The following SLC48A1 variants were observed in gnomAD, a reference collection of about 807,000 sequenced individuals.
SLC48A1 encodes the protein solute carrier family 48 member 1, also known as heme transporter HRG1.
SLC48A1 carries 6 observed loss-of-function variants against 14.8 expected under a neutral mutation model. The ratio of observed to expected loss-of-function variants is 0.41; its 90% confidence interval spans 0.22 to 0.80. SLC48A1 has a LOEUF of 0.80. Ranked by LOEUF, SLC48A1 falls within the 30% of genes least tolerant of loss-of-function variation. The pLI is 0.34. For missense variants in SLC48A1, 165 were observed against 204.8 expected, an observed-to-expected ratio of 0.81 and a Z score of 1.19; for synonymous variants, 89 against 90.0, an observed-to-expected ratio of 0.99 and a Z score of 0.06.
At chr12:47,758,496 G>C (rs2136833047), upstream of SLC48A1, 1 of 1,598,006 alleles carries the variant, frequency 6.3e-7, no homozygotes, top group South Asian at 1.1e-5. Flanking sequence ...CACCGTGTCA[G>C]CTTCCTCTCC....
At chr12:47,763,661 G>T (rs1321734416) in intron 2 of SLC48A1, among the ~76,000 whole-genome samples, 3 of 152,222 alleles carry the variant, frequency 2.0e-5, no homozygotes, top group Non-Finnish European at 4.4e-5. Context: ...GCAGCGGCAG[G>T]GAGCTGGAGC....
At chr12:47,760,484 G>A (rs1214883594) in intron 2 of SLC48A1, 2 of 873,670 alleles carry the variant, frequency 2.3e-6, no homozygotes, top group Non-Finnish European at 2.7e-6. Context: ...AGTTCTTGCA[G>A]GAAGGCTTCC....
chr12:47,779,040 T>C lies in SLC48A1; in HGVS notation c.149T>C (p.Leu50Pro). ...GTCTCTCCTGCAGGGGTGCTGGCACTGTGGGTCCTGGTGACGCACGTGATG... is the reference window on the plus strand; with the variant it reads ...GTCTCTCCTGCAGGGGTGCTGGCACCGTGGGTCCTGGTGACGCACGTGATG... Reference protein sequence around the residue: ...AMGGLAGVLALWVLVTHVMYM... With the variant: ...AMGGLAGVLAPWVLVTHVMYM... The change falls in exon 2 of 3, where the codon CTG (leucine) becomes CCG (proline). Residue 50 changes from leucine to proline, a missense_variant. Leu to Pro is a moderately conservative substitution (Grantham distance 98). Transcript: ENST00000442218. 6.4e-7 allele frequency: 1 copy of C among 1,551,716 alleles called. No individual in the cohort carries two copies. The highest frequency in any genetic ancestry group is 8.7e-7 in the Non-Finnish European group (1 of 1,146,978).
chr12:47,779,680 C>T (rs1942824903), intron 2 of SLC48A1, among the ~76,000 whole-genome samples: 1 of 152,216 alleles, frequency 6.6e-6, no homozygotes, highest in South Asian at 2.1e-4. Flanking sequence ...AAACGGTCCC[C>T]AGCTCCGTTC....
intron 2 of SLC48A1, among the ~76,000 whole-genome samples, 194 bp downstream of exon 2, chr12:47,779,389 A>C (rs1942816679): frequency 6.6e-6 from 1 of 152,134 alleles, no homozygotes; most frequent in African/African-American, 2.4e-5. Context: ...ATTCTATGAA[A>C]CTGATGTGAA....
upstream of SLC48A1, chr12:47,771,455 C>T (rs1942628866): frequency 6.4e-6 from 1 of 156,212 alleles, no homozygotes; most frequent in Admixed American, 6.2e-5. Flanking sequence ...ATGTCCACGT[C>T]CTCATCCCAG....
upstream of SLC48A1, among the ~76,000 whole-genome samples, chr12:47,768,212 A>G (rs1404803236): frequency 6.6e-6 from 1 of 152,126 alleles, no homozygotes; most frequent in African/African-American, 2.4e-5. Flanking sequence ...CCTGACCTCA[A>G]GTGATCCACC....
chr12:47,760,262 A>C, exon 2 of SLC48A1: 1 of 985,484 alleles, frequency 1.0e-6, no homozygotes, highest in Non-Finnish European at 1.2e-6. Context: ...GGAGTTTTAA[A>C]TGCCTCTCCG....
At position 47,780,693 on chromosome 12, in the gene SLC48A1, A is replaced by G. The variant is rs966278509; in HGVS notation, c.*412A>G. ...GCAATTCTCCTGCCTTGGCCTCTCA[A>G]GTAGCTGGGATTACAGGCATCTGCC... On this transcript the variant is annotated 3_prime_UTR_variant, in exon 3 of 3. Transcript: ENST00000442218. 1.3e-5 allele frequency: 5 copies of G among 398,476 alleles called. No individual in the cohort carries two copies. The highest frequency in any genetic ancestry group is 2.5e-5 in the Non-Finnish European group (5 of 203,246). The allele number at this position is 398,476 out of a possible 1,614,324, so 24.7% of individuals were successfully genotyped here. A position where few individuals can be genotyped will look rare whatever the true frequency, so the allele number is the denominator to read the frequency against.
chr12:47,759,245 C>G, intron 1 of SLC48A1: 1 of 387,046 alleles, frequency 2.6e-6, no homozygotes, highest in Non-Finnish European at 3.5e-6. Context: ...GCGGCCTCAC[C>G]CGGGAGGGAA....
chr12:47,770,543 A>G (rs1326394880), upstream of SLC48A1, among the ~76,000 whole-genome samples: 1 of 152,114 alleles, frequency 6.6e-6, no homozygotes, highest in African/African-American at 2.4e-5. Flanking sequence ...TCTTCCAGGC[A>G]CTCCTCATCA....
chr12:47,775,359 G>GCGCTAGGGCAGCAGCT (rs555773003), intron 1 of SLC48A1, among the ~76,000 whole-genome samples: 6 of 152,136 alleles, frequency 3.9e-5, no homozygotes, highest in African/African-American at 9.7e-5. Flanking sequence ...TCAGAGAGAG[G>GCGCTAGGGCAGCAGCT]CGCTAGGGCA....
At chr12:47,764,917 A>G (rs923119482) in intron 2 of SLC48A1, among the ~76,000 whole-genome samples, 25 of 151,916 alleles carry the variant, frequency 1.6e-4, no homozygotes, top group African/African-American at 5.6e-4. Context: ...TCTCTACTAC[A>G]GATACAAAAA....
rs910114397 is a variant in SLC48A1 at position 47,777,530 on chromosome 12, C to T, written c.137-1498C>T. 2.6e-5 allele frequency among the ~76,000 whole-genome samples: 4 copies of T among 152,202 alleles called. No individual in the cohort carries two copies. Among genetic ancestry groups the T allele is most frequent in the Non-Finnish European group, 4.4e-5 (3 of 68,028 alleles). On this transcript the variant is annotated intron_variant, in intron 1 of 2. Coordinates refer to ENST00000442218, the MANE Select transcript of SLC48A1 (RefSeq NM_017842.3). The surrounding 1 kb of genome is among the most constrained non-coding windows in gnomAD (Gnocchi z 4.5). ...CTTTGGGACACAGCAGTGCCAGGCTCCTGGTTTCTTGGCTTGGAGTCTCAT... is the reference window on the plus strand; with the variant it reads ...CTTTGGGACACAGCAGTGCCAGGCTTCTGGTTTCTTGGCTTGGAGTCTCAT...
At position 47,780,200 on chromosome 12, in the gene SLC48A1, C is replaced by G. The variant is rs1592611586; in HGVS notation, c.360C>G (p.Phe120Leu). 2 of 1,613,978 alleles carry G rather than the reference C, an allele frequency of 1.2e-6. No homozygotes were observed. Among genetic ancestry groups the G allele is most frequent in the Non-Finnish European group, 1.7e-6 (2 of 1,179,886 alleles). The change falls in exon 3 of 3, where the codon TTC (phenylalanine) becomes TTG (leucine). Residue 120 changes from phenylalanine (F) to leucine (L), a missense_variant. Physicochemically the swap from Phe to Leu is conservative, Grantham distance 22 (BLOSUM62 0). Transcript: ENST00000442218. ...YLSSVWSFIS[F>L]KWAFLLSLYA... The stretch of plus-strand genomic sequence containing the variant: ...CCAGCGTCTGGAGCTTCATTTCCTT[C>G]AAGTGGGCCTTCCTGCTCAGCCTCT...
chr12:47,770,427 C>T (rs749465102), upstream of SLC48A1, among the ~76,000 whole-genome samples: 13 of 152,224 alleles, frequency 8.5e-5, no homozygotes, highest in Non-Finnish European at 1.3e-4. Context: ...TCTGCTTCTG[C>T]CTGGACCAGC....
chr12:47,766,583 G>A (rs1046807735), intron 2 of SLC48A1, among the ~76,000 whole-genome samples: 3 of 152,162 alleles, frequency 2.0e-5, no homozygotes, highest in Admixed American at 6.5e-5. Context: ...CACCAAGATA[G>A]GGAGGCAGGC....
Position 47,780,566 on chromosome 12 carries a change from TTC to T in SLC48A1, c.*287_*288del, listed in dbSNP as rs751279968. ...CTGTTTTCTTTTCTTTCTTTTTTTT[TTC>T]TTTTTTTTTTTTTTTTGAGATGGAG... On this transcript the variant is annotated 3_prime_UTR_variant, in exon 3 of 3. Transcript: ENST00000442218. 4.2e-5 allele frequency: 25 copies of T among 589,590 alleles called. No homozygotes were observed. Among genetic ancestry groups the T allele is most frequent in the Non-Finnish European group, 4.8e-5 (15 of 311,178 alleles). 36.5% of individuals were successfully genotyped at this position (589,590 alleles called of 1,614,324 possible). A position where few individuals can be genotyped will look rare whatever the true frequency, so the allele number is the denominator to read the frequency against.
At position 47,781,245 on chromosome 12, in the gene SLC48A1, G is replaced by A. The variant is rs1241131339; in HGVS notation, c.*964G>A. The A allele has an allele frequency of 4.7e-6, 1 of 213,858 alleles. No homozygotes were observed. The highest frequency in any genetic ancestry group is 9.6e-6 in the Non-Finnish European group (1 of 103,860). The allele number at this position is 213,858 out of a possible 1,614,324, so 13.2% of individuals were successfully genotyped here. ...TCAGGGTCACGGGGAATGTGCTTCT[G>A]CCCCTGTAAGGGCTTTGGGGAAGGG... On this transcript the variant is annotated 3_prime_UTR_variant, in exon 3 of 3. Transcript: ENST00000442218.
Sources: gnomAD v4.1 joint callset for allele counts (sites outside exome capture counted in the v4.1 genomes callset) on GRCh38, gnomAD v4.1.1 for gene constraint, Gnocchi (gnomAD v3.1) non-coding constraint, MANE v1.5 for transcripts, NCBI Gene and HGNC (gene_info 2026-07-23, HGNC 2026-07-21) for gene names.